RFX8: variants seen among roughly 807,000 people sequenced by gnomAD.
The protein encoded by RFX8 is DNA-binding protein RFX8.
A neutral mutation model predicts 54.6 loss-of-function variants in RFX8; 46 were observed. That is an observed-to-expected ratio of 0.84 (90% CI 0.67 to 1.08). RFX8 has a LOEUF of 1.08. Among genes scored for constraint, RFX8 ranks in the 50% least tolerant of loss-of-function variants. The pLI is 0.00. For missense variants in RFX8, 536 were observed against 562.3 expected, an observed-to-expected ratio of 0.95 and a Z score of 0.47; for synonymous variants, 192 against 209.5, an observed-to-expected ratio of 0.92 and a Z score of 0.72.
In RFX8 at chr2:101,455,428, A is replaced by T. The variant is rs184863147; in HGVS notation, c.72+11349T>A. Among the ~76,000 whole-genome samples, 72 of 152,316 alleles carry T rather than the reference A, an allele frequency of 4.7e-4. 1 individual carries two copies. The East Asian group carries it at 0.011, about 24-fold the overall frequency. The stretch of plus-strand genomic sequence containing the variant: ...GGAAGGGATCCAGCTTCAGCTTTCT[A>T]CATATGGTTAGCCAGTTTTCATAGC... On this transcript the variant is annotated intron_variant, in intron 2 of 11. Transcript: ENST00000428343.
chr2:101,457,901 G>A (rs1043291601), intron 2 of RFX8, among the ~76,000 whole-genome samples: 2 of 152,128 alleles, frequency 1.3e-5, no homozygotes, highest in African/African-American at 4.8e-5. Flanking sequence ...TCCTGTATTG[G>A]GTGCATATAT....
Position 101,397,648 on chromosome 2 carries a change from A to G in RFX8, c.1322T>C (p.Leu441Pro). ...KLSLPMGQEA[L>P]ITLKDGQQFV... Reference sequence around the variant, plus strand: ...TTGTTGTCCATCTTTTAGGGTTATGAGGGCTTCTTGTCCCATAGGAAGGCT... The same window carrying G: ...TTGTTGTCCATCTTTTAGGGTTATGGGGGCTTCTTGTCCCATAGGAAGGCT... Residue 441 changes from leucine to proline, a missense_variant, in exon 12 of 12, where the codon CTC (leucine) becomes CCC (proline). Leu to Pro is a moderately conservative substitution (Grantham distance 98). Transcript: ENST00000428343. The G allele has an allele frequency of 1.3e-6, 2 of 1,551,464 alleles. No homozygotes were observed. Among genetic ancestry groups the G allele is most frequent in the Non-Finnish European group, 8.7e-7 (1 of 1,146,858 alleles).
At chr2:101,429,920 C>T (rs2310114) in intron 2 of RFX8, among the ~76,000 whole-genome samples, 111,727 of 152,050 alleles carry the variant, frequency 0.73, 42,531 homozygotes, top group Middle Eastern at 0.88. Context: ...GATGGTTCTA[C>T]GTCCTCCCCA....
At chr2:101,462,974 G>A (rs963527853) in intron 2 of RFX8, among the ~76,000 whole-genome samples, 4 of 152,192 alleles carry the variant, frequency 2.6e-5, no homozygotes, top group Non-Finnish European at 4.4e-5. Context: ...AAGAGGCCAT[G>A]CAGTACTCAT....
chr2:101,401,874 C>T (rs1253743937), intron 11 of RFX8, among the ~76,000 whole-genome samples: 1 of 152,136 alleles, frequency 6.6e-6, no homozygotes, highest in Non-Finnish European at 1.5e-5. Flanking sequence ...GTGCAAGTCA[C>T]TCAGCTTCTG....
rs1553459152 is a variant in RFX8, at chr2:101,461,279, A to AG, written c.72+5497_72+5498insC. 8.9e-4 allele frequency among the ~76,000 whole-genome samples: 111 copies of AG among 124,808 alleles called. 1 individual carries two copies. Among genetic ancestry groups the AG allele is most frequent in the East Asian group, 2.2e-3 (10 of 4,576 alleles). 81.9% of individuals were successfully genotyped at this position (124,808 alleles called of 152,430 possible). On this transcript the variant is annotated intron_variant, in intron 2 of 11. Transcript: ENST00000428343. Reference sequence around the variant, plus strand: ...CTCCATCTCAAAAAAAAAAAAAAAAAAAAGAAAGAAAAAGAAAAAGAAAAG... The same window carrying AG: ...CTCCATCTCAAAAAAAAAAAAAAAAAGAAAGAAAGAAAAAGAAAAAGAAAAG...
chr2:101,418,979 A>G lies in RFX8; in HGVS notation c.238-15T>C. 7.0e-7 allele frequency: 1 copy of G among 1,436,976 alleles called. No homozygotes were observed. Among genetic ancestry groups the G allele is most frequent in the Non-Finnish European group, 9.6e-7 (1 of 1,045,278 alleles). 89.0% of individuals were successfully genotyped at this position (1,436,976 alleles called of 1,614,324 possible). A position where few individuals can be genotyped will look rare whatever the true frequency, so the allele number is the denominator to read the frequency against. On this transcript the variant is annotated splice_polypyrimidine_tract_variant and intron_variant, in intron 4 of 11. Transcript: ENST00000428343. ...AAGTCCTCCACCTGGGGTAAGTAAC[A>G]GAGCATATCGCCAAAACTCGTTTTC...
chr2:101,432,086 A>C (rs1687517174), intron 2 of RFX8, among the ~76,000 whole-genome samples: 2 of 152,182 alleles, frequency 1.3e-5, no homozygotes, highest in South Asian at 4.1e-4. Context: ...TGGCCGGACA[A>C]AGACATGCAT....
In RFX8 at chr2:101,418,872, G is replaced by A; in HGVS notation, c.330C>T (p.Cys110=). The A allele has an allele frequency of 6.5e-7, 1 of 1,549,908 alleles. No individual in the cohort carries two copies. The highest frequency in any genetic ancestry group is 2.4e-5 in the East Asian group (1 of 40,910). Residue 110 remains cysteine (C), a synonymous_variant, in exon 5 of 12, where the codon TGC becomes TGT. Coordinates refer to ENST00000428343, the MANE Select transcript of RFX8 (RefSeq NM_001145664.2). ...CTACCTTGTACAGCTGGACGTCGTA[G>A]CATTTAAAGAGCTGGCACACGTCAG... ...SLPDVCQLFK[C]YDVQLYKGIE... is the part of the protein sequence containing the mutation.
intron 2 of RFX8, among the ~76,000 whole-genome samples, chr2:101,461,568 G>A (rs977352033): frequency 3.3e-5 from 5 of 152,224 alleles, no homozygotes; most frequent in South Asian, 2.1e-4. Flanking sequence ...AAAAGCAGAA[G>A]TAAAGTGCCT....
intron 1 of RFX8, among the ~76,000 whole-genome samples, chr2:101,469,013 TATAG>T (rs10527290): frequency 0.019 from 530 of 27,194 alleles, 45 homozygotes; most frequent in Non-Finnish European, 0.03. Context: ...CGTATATATA[TATAG>T]GTATATATAT....
chr2:101,408,764 A>T (rs911717628), intron 9 of RFX8, among the ~76,000 whole-genome samples: 4 of 152,242 alleles, frequency 2.6e-5, no homozygotes, highest in African/African-American at 9.6e-5. Context: ...CTGGCTTTCC[A>T]GCTCCTTCCT....
At chr2:101,472,993 T>G (rs1346778794) in intron 1 of RFX8, among the ~76,000 whole-genome samples, 1 of 151,542 alleles carries the variant, frequency 6.6e-6, no homozygotes, top group Admixed American at 6.6e-5. Flanking sequence ...CACTCCAGAC[T>G]GGGCAACAGA....
chr2:101,412,379 A>G (rs929949611), intron 8 of RFX8, among the ~76,000 whole-genome samples: 1 of 152,206 alleles, frequency 6.6e-6, no homozygotes, highest in African/African-American at 2.4e-5. Context: ...AACAATGACA[A>G]TGATCAATAG....
intron 2 of RFX8, among the ~76,000 whole-genome samples, chr2:101,458,132 A>C (rs1221448448): frequency 6.6e-6 from 1 of 152,146 alleles, no homozygotes; most frequent in Non-Finnish European, 1.5e-5. Flanking sequence ...TCTCCTGAAT[A>C]CAGCACACTG....
intron 2 of RFX8, among the ~76,000 whole-genome samples, chr2:101,447,857 G>A (rs1318298593): frequency 2.6e-5 from 4 of 152,102 alleles, no homozygotes; most frequent in East Asian, 1.9e-4. Flanking sequence ...GTGAGAACAC[G>A]CAATATTTGT....
At chr2:101,412,714 A>G (rs1686210445) in intron 8 of RFX8, among the ~76,000 whole-genome samples, 1 of 152,200 alleles carries the variant, frequency 6.6e-6, no homozygotes, top group African/African-American at 2.4e-5. Flanking sequence ...GCCCTGGGGT[A>G]GGTCCTGGGA....
intron 1 of RFX8, among the ~76,000 whole-genome samples, chr2:101,472,120 G>C (rs1479631862): frequency 2.0e-5 from 3 of 152,180 alleles, no homozygotes; most frequent in Non-Finnish European, 2.9e-5. Flanking sequence ...TTTGTTTTGA[G>C]AGGGAGTTTC....
At chr2:101,416,143 G>A (rs1468746940) in intron 6 of RFX8, among the ~76,000 whole-genome samples, 1 of 150,356 alleles carries the variant, frequency 6.7e-6, no homozygotes, top group Non-Finnish European at 1.5e-5. Flanking sequence ...GTTGGTAATT[G>A]ATTAATTGCT....
Sources: gnomAD v4.1 joint callset for allele counts (sites outside exome capture counted in the v4.1 genomes callset) on GRCh38, gnomAD v4.1.1 for gene constraint, MANE v1.5 for transcripts, NCBI Gene and HGNC (gene_info 2026-07-23, HGNC 2026-07-21) for gene names.